The following PCDH15 variants were observed in gnomAD, a reference collection of about 807,000 sequenced individuals.
PCDH15 encodes the protein protocadherin related 15.
In PCDH15, 129 loss-of-function variants were observed where a neutral mutation model predicts 178.5. The observed-to-expected ratio is 0.72, with a 90% confidence interval of 0.63 to 0.84. PCDH15 has a LOEUF of 0.84. PCDH15 is among the 40% of genes least tolerant of loss of function. The probability of loss-of-function intolerance (pLI) is 0.00; values close to 1 mark genes in which losing one functional copy is unlikely to be tolerated. For synonymous variants in PCDH15, 800 were observed against 732.0 expected, an observed-to-expected ratio of 1.09 and a Z score of -1.50; for missense variants, 2,230 against 2,099.9, an observed-to-expected ratio of 1.06 and a Z score of -1.21.
At chr10:54,383,413 C>T (rs1949481136) in intron 3 of PCDH15, among the ~76,000 whole-genome samples, 3 of 151,936 alleles carry the variant, frequency 2.0e-5, no homozygotes, top group Non-Finnish European at 4.4e-5. Context: ...ATCAAAAATG[C>T]TTATTAGTAC....
chr10:54,125,725 A>C (rs750080804), intron 15 of PCDH15, among the ~76,000 whole-genome samples: 2 of 152,136 alleles, frequency 1.3e-5, no homozygotes, highest in Non-Finnish European at 2.9e-5. Context: ...AAAATGGAGA[A>C]GTTTTCAAGT....
At chr10:54,774,392 A>G (rs1345357799) in intron 1 of PCDH15, among the ~76,000 whole-genome samples, 2 of 152,130 alleles carry the variant, frequency 1.3e-5, no homozygotes, top group African/African-American at 4.8e-5. Context: ...ATCAGCAGTT[A>G]CTACACACTG....
intron 2 of PCDH15, among the ~76,000 whole-genome samples, chr10:55,430,905 CA>C (rs1482099132): frequency 6.6e-6 from 1 of 152,046 alleles, no homozygotes. Flanking sequence ...AAACAGAGAT[CA>C]AAATGTTATT....
intron 8 of PCDH15, among the ~76,000 whole-genome samples, chr10:54,297,863 C>T (rs1281646659): frequency 6.6e-6 from 1 of 152,094 alleles, no homozygotes; most frequent in Admixed American, 6.6e-5. Flanking sequence ...TAGATCAAAC[C>T]CTGGCCTTTA....
chr10:54,317,265 A>G lies in PCDH15; in HGVS notation c.876+6T>C. 1 of 1,611,882 alleles carries G rather than the reference A, an allele frequency of 6.2e-7. No individual in the cohort carries two copies. On this transcript the variant is annotated splice_donor_region_variant and intron_variant, in intron 8 of 37. Transcript: ENST00000644397. ...AATAAATGGAGAAAGATAAGAGTAT[A>G]TTTACCGGAGTTCTCAACTCAGGTA...
chr10:55,553,773 G>A (rs1486931753), intron 2 of PCDH15, among the ~76,000 whole-genome samples: 2 of 151,856 alleles, frequency 1.3e-5, no homozygotes, highest in Admixed American at 6.6e-5. Flanking sequence ...GTATGTAGTT[G>A]AGAGTCTGTT....
At position 54,578,993 on chromosome 10, in the gene PCDH15, C is replaced by T. The variant is rs148881073; in HGVS notation, c.92-51116G>A. On this transcript the variant is annotated intron_variant, in intron 2 of 37. Transcript: ENST00000644397. ...GACCAGCTTTACAAGGCAACCTCAG[C>T]GGAGTCCTAAACATGGAAAAAAAGG... Among the ~76,000 whole-genome samples, 23 of 152,174 alleles carry T rather than the reference C, an allele frequency of 1.5e-4. No individual in the cohort carries two copies. In the East Asian group the frequency reaches 1.9e-3, roughly 13 times the overall value.
At chr10:55,414,079 T>C (rs1336264893) in intron 2 of PCDH15, among the ~76,000 whole-genome samples, 1 of 151,662 alleles carries the variant, frequency 6.6e-6, no homozygotes, top group Non-Finnish European at 1.5e-5. Context: ...GGAAAAAGTT[T>C]TTTAAAATCC....
Position 53,961,840 on chromosome 10 carries a change from T to A in PCDH15, c.2921A>T (p.Tyr974Phe), listed in dbSNP as rs200434494. The A allele has an allele frequency of 6.2e-7, 1 of 1,609,682 alleles. No homozygotes were observed. Among genetic ancestry groups the A allele is most frequent in the Non-Finnish European group, 8.5e-7 (1 of 1,177,196 alleles). ...RYRVDDVQFP[Y>F]PASIFEVEED... ...TTCCACTTCAAAAATACTGGCAGGG[T>A]AAGGAAACTGTACATCATCTACTCT... The change falls in exon 22 of 38, where the codon TAC (tyrosine) becomes TTC (phenylalanine). Residue 974 changes from tyrosine (Y) to phenylalanine (F), a missense_variant. Coordinates refer to ENST00000644397, the MANE Select transcript of PCDH15 (RefSeq NM_001384140.1).
At chr10:54,914,307 C>T (rs1449179808) in intron 2 of PCDH15, among the ~76,000 whole-genome samples, 1 of 152,002 alleles carries the variant, frequency 6.6e-6, no homozygotes, top group Non-Finnish European at 1.5e-5. Context: ...GGTGTGGCAC[C>T]TTCCTGTTTG....
intron 6 of PCDH15, among the ~76,000 whole-genome samples, chr10:54,345,497 A>C (rs573133876): frequency 1.3e-5 from 2 of 152,246 alleles, no homozygotes; most frequent in South Asian, 4.1e-4. Context: ...TGCCTCAAAG[A>C]AAGTGGGGAG....
intron 2 of PCDH15, among the ~76,000 whole-genome samples, chr10:54,997,602 T>G (rs1479488743): frequency 1.3e-5 from 2 of 152,204 alleles, no homozygotes; most frequent in African/African-American, 4.8e-5. Flanking sequence ...CAAATTTATT[T>G]GACAAAACTA....
At chr10:55,608,716 C>G (rs921096138) in intron 2 of PCDH15, among the ~76,000 whole-genome samples, 1 of 151,704 alleles carries the variant, frequency 6.6e-6, no homozygotes, top group South Asian at 2.1e-4. Context: ...CCTCCCTGAT[C>G]GACTAAAACT....
chr10:54,948,489 T>C (rs117777884), intron 2 of PCDH15, among the ~76,000 whole-genome samples: 4,012 of 152,066 alleles, frequency 0.026, 80 homozygotes, highest in Middle Eastern at 0.071. Context: ...TTTCTGAGTG[T>C]CTATTAAGGA....
At chr10:54,286,440 A>T (rs2059030956) in intron 8 of PCDH15, among the ~76,000 whole-genome samples, 1 of 152,168 alleles carries the variant, frequency 6.6e-6, no homozygotes, top group Admixed American at 6.5e-5. Flanking sequence ...CAAATTCTAC[A>T]TACTAAAACA....
At chr10:55,454,428 G>T (rs894261445) in intron 2 of PCDH15, among the ~76,000 whole-genome samples, 4 of 151,952 alleles carry the variant, frequency 2.6e-5, no homozygotes, top group African/African-American at 9.7e-5. Flanking sequence ...AAATCGAATT[G>T]TAATATCCTA....
intron 15 of PCDH15, 130 bp from the exon 16 acceptor site, chr10:54,090,193 A>C: frequency 1.4e-6 from 1 of 717,694 alleles, no homozygotes; most frequent in East Asian, 2.6e-5. Context: ...AGATTAAAGC[A>C]TGGCCTAATG....
chr10:54,209,624 C>G (rs1031007142), intron 10 of PCDH15, among the ~76,000 whole-genome samples: 2 of 151,974 alleles, frequency 1.3e-5, no homozygotes, highest in African/African-American at 4.8e-5. Flanking sequence ...TTTAATTTGT[C>G]ACAATTAAAT....
At chr10:53,812,785 G>A (rs1461686361) in intron 35 of PCDH15, among the ~76,000 whole-genome samples, 1 of 152,164 alleles carries the variant, frequency 6.6e-6, no homozygotes, top group East Asian at 1.9e-4. Flanking sequence ...TACGAGAAGA[G>A]AGGGGGGAAA....
Sources: gnomAD v4.1 joint callset for allele counts (sites outside exome capture counted in the v4.1 genomes callset) on GRCh38, gnomAD v4.1.1 for gene constraint, MANE v1.5 for transcripts, NCBI Gene and HGNC (gene_info 2026-07-23, HGNC 2026-07-21) for gene names.